The following ZBTB7C variants were observed in gnomAD, a reference collection of about 807,000 sequenced individuals.
ZBTB7C encodes zinc finger and BTB domain-containing protein 7C.
ZBTB7C carries 8 observed loss-of-function variants against 25.7 expected under a neutral mutation model. The ratio of observed to expected loss-of-function variants is 0.31; its 90% CI spans 0.18 to 0.56. The LOEUF is 0.56. Among genes scored for constraint, ZBTB7C ranks in the 20% least tolerant of loss-of-function variants. The pLI is 0.91. For missense variants in ZBTB7C, 824 were observed against 855.2 expected, an observed-to-expected ratio of 0.96 and a Z score of 0.46; for synonymous variants, 394 against 369.0, an observed-to-expected ratio of 1.07 and a Z score of -0.78.
At chr18:48,215,719 C>T (rs1398433912) in intron 2 of ZBTB7C, among the ~76,000 whole-genome samples, 1 of 152,124 alleles carries the variant, frequency 6.6e-6, no homozygotes, top group African/African-American at 2.4e-5. Flanking sequence ...TTAAAAGGTG[C>T]TGGTCTCTCA....
At chr18:48,126,606 T>C (rs556620940) in intron 3 of ZBTB7C, among the ~76,000 whole-genome samples, 7 of 152,314 alleles carry the variant, frequency 4.6e-5, no homozygotes, top group African/African-American at 1.7e-4. Flanking sequence ...AGTGGGGCCA[T>C]TGTGATGAAC....
Position 48,251,014 on chromosome 18 carries a change from A to G in ZBTB7C, c.-78-65019T>C, listed in dbSNP as rs143484359. On this transcript the variant is annotated intron_variant, in intron 2 of 4. Transcript: ENST00000590800. The stretch of plus-strand genomic sequence containing the variant: ...TGAGTTGGGAGGATCATTTGAGCCC[A>G]GGAGTTCAAGACCAGCCTAAGCAAC... Among the ~76,000 whole-genome samples, 3 of 152,274 alleles carry G rather than the reference A, an allele frequency of 2.0e-5. No homozygotes were observed. The East Asian group carries it at 5.8e-4, about 29-fold the overall frequency.
At chr18:48,153,608 A>C (rs2040744514) in intron 3 of ZBTB7C, among the ~76,000 whole-genome samples, 1 of 152,222 alleles carries the variant, frequency 6.6e-6, no homozygotes, top group African/African-American at 2.4e-5. Context: ...GGCAGTACCA[A>C]GATGTTGATG....
intron 3 of ZBTB7C, among the ~76,000 whole-genome samples, chr18:48,115,812 G>T (rs1485517269): frequency 2.0e-5 from 3 of 152,002 alleles, no homozygotes; most frequent in African/African-American, 4.8e-5. Flanking sequence ...ACAGTTTTTA[G>T]TCCTACATAA....
At chr18:48,134,250 T>C (rs1303289492) in intron 3 of ZBTB7C, among the ~76,000 whole-genome samples, 1 of 152,144 alleles carries the variant, frequency 6.6e-6, no homozygotes, top group Non-Finnish European at 1.5e-5. Flanking sequence ...ACAAAAGTGA[T>C]AGTTAATTTT....
intron 3 of ZBTB7C, among the ~76,000 whole-genome samples, chr18:48,154,772 C>T (rs1195338954): frequency 1.3e-5 from 2 of 152,196 alleles, no homozygotes; most frequent in African/African-American, 4.8e-5. Context: ...TTCCCACTGC[C>T]TCATTTGAAG....
At chr18:48,109,994 G>A (rs1395612513) in intron 3 of ZBTB7C, among the ~76,000 whole-genome samples, 1 of 152,120 alleles carries the variant, frequency 6.6e-6, no homozygotes, top group Non-Finnish European at 1.5e-5. Context: ...GGCATAGAGA[G>A]GTGGAGTGAC....
At chr18:48,110,882 C>T (rs538892383) in intron 3 of ZBTB7C, among the ~76,000 whole-genome samples, 1 of 152,252 alleles carries the variant, frequency 6.6e-6, no homozygotes, top group South Asian at 2.1e-4. Context: ...CTATGAGCAA[C>T]CTGAAGGGGC....
chr18:48,071,388 T>C (rs1211722782), intron 3 of ZBTB7C, among the ~76,000 whole-genome samples: 1 of 152,192 alleles, frequency 6.6e-6, no homozygotes, highest in Admixed American at 6.5e-5. Context: ...AGTAAGCACA[T>C]GAACAGATGC....
At chr18:48,035,583 G>T (rs1304227282) in intron 4 of ZBTB7C, among the ~76,000 whole-genome samples, 1 of 152,290 alleles carries the variant, frequency 6.6e-6, no homozygotes, top group Non-Finnish European at 1.5e-5. Context: ...GCCAGGCCCA[G>T]TTGGCAGTGA....
At chr18:48,367,348 A>ACG (rs1491112239) in intron 1 of ZBTB7C, among the ~76,000 whole-genome samples, 1 of 4,432 alleles carries the variant, frequency 2.3e-4, no homozygotes, top group East Asian at 0.083. Context: ...ATATGTGTGC[A>ACG]TATATATATA....
chr18:48,320,413 G>A (rs1233034649), intron 2 of ZBTB7C, among the ~76,000 whole-genome samples: 2 of 152,210 alleles, frequency 1.3e-5, no homozygotes, highest in Non-Finnish European at 2.9e-5. Context: ...GGAAACATCT[G>A]ACACATGTCA....
intron 3 of ZBTB7C, among the ~76,000 whole-genome samples, chr18:48,115,875 A>T (rs947284862): frequency 1.3e-5 from 2 of 152,032 alleles, no homozygotes; most frequent in African/African-American, 4.8e-5. Context: ...AATTCAGGAT[A>T]GTGACAGCTC....
At chr18:48,336,730 C>A (rs190700090) in intron 2 of ZBTB7C, among the ~76,000 whole-genome samples, 37 of 152,274 alleles carry the variant, frequency 2.4e-4, no homozygotes, top group African/African-American at 8.7e-4. Context: ...AAAGTCCTCA[C>A]CCACCTACCT....
chr18:48,256,287 A>T (rs892591419), intron 2 of ZBTB7C, among the ~76,000 whole-genome samples: 4 of 152,106 alleles, frequency 2.6e-5, no homozygotes, highest in African/African-American at 9.7e-5. Context: ...AGGGGAAGAC[A>T]CATTACATGC....
At chr18:48,133,557 A>C (rs1056486231) in intron 3 of ZBTB7C, among the ~76,000 whole-genome samples, 5 of 152,068 alleles carry the variant, frequency 3.3e-5, no homozygotes, top group Non-Finnish European at 7.4e-5. Context: ...AACATGCAGA[A>C]TGTATGATAT....
chr18:48,035,214 G>T lies in ZBTB7C; in HGVS notation c.1208+4686C>A, dbSNP rs532976694. 2.0e-5 allele frequency among the ~76,000 whole-genome samples: 3 copies of T among 152,344 alleles called. No individual in the cohort carries two copies. In the South Asian group the frequency reaches 6.2e-4, roughly 32 times the overall value. On this transcript the variant is annotated intron_variant, in intron 4 of 4. Coordinates refer to ENST00000590800, the MANE Select transcript of ZBTB7C (RefSeq NM_001318841.2). ...GGAGACTAAAAGGCACAGCCTTCGGGGTTCAGCGGAACTGGAAAGCGTGCC... is the reference window on the plus strand; with the variant it reads ...GGAGACTAAAAGGCACAGCCTTCGGTGTTCAGCGGAACTGGAAAGCGTGCC...
At chr18:48,367,748 A>G (rs928538279) in intron 1 of ZBTB7C, among the ~76,000 whole-genome samples, 1 of 152,050 alleles carries the variant, frequency 6.6e-6, no homozygotes, top group Non-Finnish European at 1.5e-5. Context: ...GGATGGTGTC[A>G]GAGGAGGCCT....
At chr18:48,199,231 C>T (rs756762287) in intron 2 of ZBTB7C, among the ~76,000 whole-genome samples, 13 of 152,210 alleles carry the variant, frequency 8.5e-5, no homozygotes, top group African/African-American at 2.2e-4. Flanking sequence ...CATTCATTCT[C>T]GCAGTCTGGA....
Sources: allele counts gnomAD v4.1 joint callset (sites outside exome capture counted in the v4.1 genomes callset), GRCh38; gene constraint gnomAD v4.1.1; transcripts MANE v1.5; gene names NCBI Gene and HGNC (gene_info 2026-07-23, HGNC 2026-07-21).